Variants in TMTC2 observed in about 807,000 individuals in gnomAD.
TMTC2 encodes transmembrane O-mannosyltransferase targeting cadherins 2.
TMTC2 carries 43 observed loss-of-function variants against 82.4 expected under a neutral mutation model. The observed-to-expected ratio is 0.52, with a 90% CI of 0.41 to 0.67. The LOEUF is 0.67. Ranked by LOEUF, TMTC2 falls within the 30% of genes least tolerant of loss-of-function variation. The pLI is 0.00. For missense variants in TMTC2, 919 were observed against 1,012.4 expected (o/e 0.91, Z 1.25); for synonymous variants, 408 against 381.9 (o/e 1.07, Z -0.80).
At chr12:82,862,597 CTTAAAA>C (rs1479307236) in intron 2 of TMTC2, among the ~76,000 whole-genome samples, 2 of 152,080 alleles carry the variant, frequency 1.3e-5, no homozygotes, top group Non-Finnish European at 2.9e-5. Context: ...ATCTCTTTTT[CTTAAAA>C]TTAAATTTTG....
chr12:83,040,055 C>A (rs1378434345), intron 9 of TMTC2, among the ~76,000 whole-genome samples: 1 of 152,174 alleles, frequency 6.6e-6, no homozygotes, highest in Non-Finnish European at 1.5e-5. Flanking sequence ...CATTCCTGAC[C>A]AAGCACTGGG....
intron 2 of TMTC2, among the ~76,000 whole-genome samples, chr12:82,867,163 G>T (rs1229848805): frequency 1.3e-5 from 2 of 152,034 alleles, no homozygotes. Context: ...ATGCTCTGTT[G>T]GTCTGATTAT....
rs370517909 is a variant in TMTC2, at chr12:82,778,344, T to G, written c.84-78666T>G. The stretch of plus-strand genomic sequence containing the variant: ...CCATCTTCCCTGTTCTTCAATTTCA[T>G]CCTTCTGACAAAGTTTGAAATAAGA... On this transcript the variant is annotated intron_variant, in intron 1 of 11. Transcript: ENST00000321196. 6.0e-4 allele frequency among the ~76,000 whole-genome samples: 91 copies of G among 152,318 alleles called. 2 individuals are homozygous for G. The highest frequency in any genetic ancestry group is 2.0e-3 in the African/African-American group (84 of 41,576).
At chr12:82,753,131 C>G (rs1162471191) in intron 1 of TMTC2, among the ~76,000 whole-genome samples, 1 of 152,072 alleles carries the variant, frequency 6.6e-6, no homozygotes, top group Non-Finnish European at 1.5e-5. Context: ...CAGGCAGATA[C>G]CAGATATATG....
chr12:82,843,995 A>G (rs1181405155), intron 1 of TMTC2, among the ~76,000 whole-genome samples: 1 of 152,196 alleles, frequency 6.6e-6, no homozygotes, highest in African/African-American at 2.4e-5. Context: ...CAGAGAAGAC[A>G]GGAGTATTAG....
intron 1 of TMTC2, among the ~76,000 whole-genome samples, chr12:82,818,788 ATC>A (rs1342661425): frequency 5.9e-5 from 9 of 152,120 alleles, no homozygotes; most frequent in African/African-American, 2.2e-4. Context: ...CTGGAAACAG[ATC>A]TGTTTTGAAC....
At chr12:82,930,765 T>A (rs997870512) in intron 4 of TMTC2, among the ~76,000 whole-genome samples, 3 of 152,210 alleles carry the variant, frequency 2.0e-5, no homozygotes, top group Admixed American at 6.5e-5. Context: ...TATGCCTGAA[T>A]TTTTTGGAAG....
intron 2 of TMTC2, among the ~76,000 whole-genome samples, chr12:82,865,075 A>AG (rs1407229916): frequency 6.7e-6 from 1 of 149,402 alleles, no homozygotes; most frequent in African/African-American, 2.5e-5. Flanking sequence ...AAAAAAAAAA[A>AG]TAGCTGGGCA....
At chr12:82,850,803 C>T (rs150840755) in intron 1 of TMTC2, among the ~76,000 whole-genome samples, 4,075 of 152,224 alleles carry the variant, frequency 0.027, 124 homozygotes, top group African/African-American at 0.064. Flanking sequence ...CAGTGGCTCA[C>T]GCCTGTAATC....
intron 8 of TMTC2, among the ~76,000 whole-genome samples, chr12:83,001,635 C>CAAAAA (rs34467744): frequency 8.6e-5 from 8 of 93,134 alleles, no homozygotes; most frequent in African/African-American, 1.9e-4. Flanking sequence ...AACTCTGTCT[C>CAAAAA]AAAAAAAAAA....
intron 1 of TMTC2, among the ~76,000 whole-genome samples, chr12:82,788,024 G>A (rs1417890623): frequency 6.6e-6 from 1 of 151,988 alleles, no homozygotes; most frequent in Admixed American, 6.6e-5. Flanking sequence ...TTTTAAGAAC[G>A]TGGTTACGTG....
At chr12:82,948,673 C>T (rs754021161) in intron 4 of TMTC2, among the ~76,000 whole-genome samples, 11 of 152,162 alleles carry the variant, frequency 7.2e-5, no homozygotes, top group Non-Finnish European at 1.2e-4. Flanking sequence ...ACAAAGAAAA[C>T]ACCCACTTTG....
At chr12:83,008,913 T>G (rs1271676922) in intron 8 of TMTC2, among the ~76,000 whole-genome samples, 1 of 152,164 alleles carries the variant, frequency 6.6e-6, no homozygotes, top group African/African-American at 2.4e-5. Flanking sequence ...GATGCTGTCT[T>G]GAGACTCTTT....
At chr12:83,012,870 C>T (rs944526919) in intron 8 of TMTC2, among the ~76,000 whole-genome samples, 1 of 152,048 alleles carries the variant, frequency 6.6e-6, no homozygotes, top group African/African-American at 2.4e-5. Context: ...TGAATTATGG[C>T]AGCTAGAAAT....
chr12:82,963,065 A>G (rs1179682011), intron 4 of TMTC2, among the ~76,000 whole-genome samples: 2 of 151,972 alleles, frequency 1.3e-5, no homozygotes, highest in African/African-American at 2.4e-5. Flanking sequence ...GAAATTTAAT[A>G]GGACATTTCA....
At chr12:83,040,153 A>G (rs989830751) in intron 9 of TMTC2, among the ~76,000 whole-genome samples, 3 of 152,186 alleles carry the variant, frequency 2.0e-5, no homozygotes, top group East Asian at 1.9e-4. Context: ...TAAGGTTCCA[A>G]TAGTTTAAGT....
chr12:82,983,680 T>C (rs957180343), intron 7 of TMTC2, among the ~76,000 whole-genome samples: 1 of 152,060 alleles, frequency 6.6e-6, no homozygotes. Flanking sequence ...ACAATGGTTG[T>C]ACAACTTTTT....
chr12:82,835,610 A>G lies in TMTC2; in HGVS notation c.84-21400A>G, dbSNP rs1592561062. 2.6e-5 allele frequency among the ~76,000 whole-genome samples: 4 copies of G among 152,300 alleles called. No homozygotes were observed. In the East Asian group the frequency reaches 7.7e-4, roughly 29 times the overall value. ...AATCATTCCTCCCTGCTTAGAATAG[A>G]ATCAACATTTTTTTCTTAAATTAGG... On this transcript the variant is annotated intron_variant, in intron 1 of 11. Coordinates refer to ENST00000321196, the MANE Select transcript of TMTC2 (RefSeq NM_152588.3).
At chr12:82,957,090 C>T (rs181942949) in intron 4 of TMTC2, among the ~76,000 whole-genome samples, 2 of 152,242 alleles carry the variant, frequency 1.3e-5, no homozygotes, top group East Asian at 3.9e-4. Context: ...TTCTTCTCAT[C>T]TGTACATGGA....
Sources: gnomAD v4.1 joint callset for allele counts (sites outside exome capture counted in the v4.1 genomes callset) on GRCh38, gnomAD v4.1.1 for gene constraint, MANE v1.5 for transcripts, NCBI Gene and HGNC (gene_info 2026-07-23, HGNC 2026-07-21) for gene names.